The following SMCO2 variants were observed in gnomAD, a reference collection of about 807,000 sequenced individuals.
SMCO2 encodes single-pass membrane and coiled-coil domain-containing protein 2.
In SMCO2, 25 loss-of-function variants were observed where a neutral mutation model predicts 29.5. The observed-to-expected ratio is 0.85, with a 90% CI of 0.62 to 1.18. The LOEUF (loss-of-function observed/expected upper bound fraction) is 1.18, where lower values mean the gene tolerates loss of function less well. Among genes scored for constraint, SMCO2 ranks in the 50% most tolerant of loss-of-function variants. SMCO2 has a pLI of 0.00. For synonymous variants in SMCO2, 117 were observed against 123.3 expected (o/e 0.95, Z 0.34); for missense variants, 348 against 344.5 (o/e 1.01, Z -0.08).
chr12:27,467,437 A>G (rs1382257609), intron 1 of SMCO2, among the ~76,000 whole-genome samples: 1 of 151,224 alleles, frequency 6.6e-6, no homozygotes, highest in Non-Finnish European at 1.5e-5. Flanking sequence ...AAACCTTGCT[A>G]AAAGGCAGAC....
At chr12:27,432,466 A>G in the SMCO2 span, among the ~76,000 whole-genome samples, 6 of 152,376 alleles carry the variant, frequency 3.9e-5, no homozygotes, top group Admixed American at 2.6e-4. Flanking sequence ...GTAAATCATT[A>G]CTCAGTTCAG....
chr12:27,429,916 G>A, the SMCO2 span, among the ~76,000 whole-genome samples: 1 of 152,084 alleles, frequency 6.6e-6, no homozygotes, highest in African/African-American at 2.4e-5. Flanking sequence ...TTATGCTTAG[G>A]AGGGAAAACT....
chr12:27,461,187 A>G, the SMCO2 span, among the ~76,000 whole-genome samples: 2 of 152,182 alleles, frequency 1.3e-5, no homozygotes. Context: ...ATGCTATGTC[A>G]ATATTATATT....
chr12:27,428,981 A>C, the SMCO2 span, among the ~76,000 whole-genome samples: 1 of 152,068 alleles, frequency 6.6e-6, no homozygotes, highest in Non-Finnish European at 1.5e-5. Flanking sequence ...GACGAATATC[A>C]CATAATTAGC....
At chr12:27,461,515 T>C in the SMCO2 span, among the ~76,000 whole-genome samples, 3 of 152,248 alleles carry the variant, frequency 2.0e-5, no homozygotes, top group Non-Finnish European at 2.9e-5. Flanking sequence ...TATTTGGTTT[T>C]CTGTTTCTGT....
chr12:27,498,760 A>G (rs573418186), intron 7 of SMCO2, among the ~76,000 whole-genome samples: 1 of 150,894 alleles, frequency 6.6e-6, no homozygotes, highest in African/African-American at 2.5e-5. Context: ...TTTGAAAAAC[A>G]GGCAAATGAC....
exon 8 of SMCO2, chr12:27,501,929 T>C (rs1464914088): frequency 6.5e-7 from 1 of 1,536,682 alleles, no homozygotes; most frequent in Admixed American, 2.0e-5. Flanking sequence ...GTAGGAAACG[T>C]GCACTGAGGA....
upstream of SMCO2, among the ~76,000 whole-genome samples, chr12:27,464,797 G>A (rs1277613942): frequency 2.0e-5 from 3 of 150,284 alleles, no homozygotes; most frequent in Non-Finnish European, 3.0e-5. Flanking sequence ...CGAGACGGGT[G>A]GATCACGAGG....
intron 3 of SMCO2, among the ~76,000 whole-genome samples, chr12:27,474,094 T>C (rs983593973): frequency 6.6e-6 from 1 of 152,216 alleles, no homozygotes; most frequent in Non-Finnish European, 1.5e-5. Context: ...TACACCTGTA[T>C]TTAAAAATCT....
At chr12:27,440,686 T>C in the SMCO2 span, among the ~76,000 whole-genome samples, 3,347 of 151,122 alleles carry the variant, frequency 0.022, 43 homozygotes, top group Middle Eastern at 0.041. Flanking sequence ...TTCTAGTCTT[T>C]TATTTGTGAT....
chr12:27,439,880 A>G, the SMCO2 span, among the ~76,000 whole-genome samples: 6 of 152,200 alleles, frequency 3.9e-5, no homozygotes, highest in African/African-American at 1.4e-4. Flanking sequence ...TCTAAGAATT[A>G]TTAGTGTTTA....
chr12:27,426,276 G>A, the SMCO2 span, among the ~76,000 whole-genome samples: 1 of 152,332 alleles, frequency 6.6e-6, no homozygotes, highest in African/African-American at 2.4e-5. Context: ...AATGACTCAA[G>A]TTTCTGGCCC....
At chr12:27,435,094 A>G in the SMCO2 span, among the ~76,000 whole-genome samples, 2 of 152,084 alleles carry the variant, frequency 1.3e-5, no homozygotes, top group African/African-American at 4.8e-5. Flanking sequence ...GAAGGGTTTC[A>G]GATGACTTCA....
chr12:27,465,551 C>T (rs1949492302), upstream of SMCO2, among the ~76,000 whole-genome samples: 1 of 152,188 alleles, frequency 6.6e-6, no homozygotes, highest in East Asian at 1.9e-4. Context: ...GAGCTTTTGG[C>T]TGAAGAAATG....
intron 4 of SMCO2, among the ~76,000 whole-genome samples, chr12:27,478,900 C>T (rs1159336789): frequency 6.6e-6 from 1 of 152,186 alleles, no homozygotes; most frequent in Non-Finnish European, 1.5e-5. Context: ...GTCCCCAGTG[C>T]TATTGATGGT....
chr12:27,452,374 G>A, the SMCO2 span, among the ~76,000 whole-genome samples: 1 of 152,094 alleles, frequency 6.6e-6, no homozygotes, highest in Non-Finnish European at 1.5e-5. Flanking sequence ...AGTCTCCATG[G>A]TCTATCTTTC....
At chr12:27,456,808 A>G in the SMCO2 span, among the ~76,000 whole-genome samples, 1 of 152,156 alleles carries the variant, frequency 6.6e-6, no homozygotes, top group African/African-American at 2.4e-5. Flanking sequence ...GTTAGGTACC[A>G]GTTAGGACTG....
intron 1 of SMCO2, chr12:27,467,023 G>A (rs575042586): frequency 1.3e-5 from 2 of 152,230 alleles, no homozygotes; most frequent in African/African-American, 2.4e-5. Context: ...CTTGTCAGGA[G>A]CCTATAGTGA....
chr12:27,490,673 T>G (rs553671410), intron 5 of SMCO2, among the ~76,000 whole-genome samples: 2 of 152,326 alleles, frequency 1.3e-5, no homozygotes, highest in East Asian at 3.9e-4. Context: ...CTCACACCTG[T>G]AACCCCAGCA....
Sources: allele counts gnomAD v4.1 joint callset (sites outside exome capture counted in the v4.1 genomes callset), GRCh38; gene constraint gnomAD v4.1.1; transcripts MANE v1.5; gene names NCBI Gene and HGNC (gene_info 2026-07-23, HGNC 2026-07-21).